DNMBP: variants seen among roughly 807,000 people sequenced by gnomAD.
DNMBP encodes the protein dynamin binding protein.
In DNMBP, 87 loss-of-function variants were observed where a neutral mutation model predicts 150.0. The observed-to-expected ratio is 0.58, with a 90% CI of 0.49 to 0.69. DNMBP has a LOEUF of 0.69. Ranked by LOEUF, DNMBP falls within the 30% of genes least tolerant of loss-of-function variation. The probability of loss-of-function intolerance (pLI) is 0.00; values close to 1 mark genes in which losing one functional copy is unlikely to be tolerated. For missense variants in DNMBP, 1,774 were observed against 1,949.0 expected (o/e 0.91, Z 1.69); for synonymous variants, 711 against 750.4 (o/e 0.95, Z 0.86).
intron 3 of DNMBP, 60 bp from the exon 4 acceptor site, chr10:99,957,265 G>A (rs886686728): frequency 6.3e-6 from 9 of 1,418,646 alleles, no homozygotes; most frequent in African/African-American, 2.8e-5. Context: ...ACATTATCAC[G>A]ACTAATAGTG....
chr10:99,943,221 G>A (rs1183325991), intron 4 of DNMBP, among the ~76,000 whole-genome samples: 1 of 151,462 alleles, frequency 6.6e-6, no homozygotes, highest in African/African-American at 2.4e-5. Context: ...GGAGGCAGAG[G>A]TTACAGTTAG....
intron 4 of DNMBP, among the ~76,000 whole-genome samples, chr10:99,954,327 C>T (rs1032244127): frequency 2.5e-4 from 38 of 152,010 alleles, no homozygotes; most frequent in Middle Eastern, 3.2e-3. Flanking sequence ...TGTGAGCCAC[C>T]GCACCCGGCA....
chr10:99,996,611 A>G (rs538156047), intron 1 of DNMBP, among the ~76,000 whole-genome samples: 1 of 152,358 alleles, frequency 6.6e-6, no homozygotes, highest in South Asian at 2.1e-4. Flanking sequence ...ATAACCAGCT[A>G]GTAAAATAAT....
At chr10:100,006,478 G>A (rs2041072297) in intron 1 of DNMBP, among the ~76,000 whole-genome samples, 1 of 152,156 alleles carries the variant, frequency 6.6e-6, no homozygotes, top group South Asian at 2.1e-4. Context: ...GCTTGAAAAG[G>A]TCTCCCTGAC....
At chr10:100,004,773 C>A (rs1032592008) in intron 1 of DNMBP, among the ~76,000 whole-genome samples, 1 of 152,132 alleles carries the variant, frequency 6.6e-6, no homozygotes, top group Non-Finnish European at 1.5e-5. Flanking sequence ...AAAAATATTT[C>A]TTGATCAAAG....
chr10:99,968,229 A>T (rs2040639381), intron 3 of DNMBP, among the ~76,000 whole-genome samples: 1 of 152,176 alleles, frequency 6.6e-6, no homozygotes, highest in African/African-American at 2.4e-5. Flanking sequence ...GACAGTAGTA[A>T]AATGCGGATG....
In DNMBP at chr10:99,964,597, G is replaced by A. The variant is rs561897460; in HGVS notation, c.268+4518C>T. 5.3e-5 allele frequency among the ~76,000 whole-genome samples: 8 copies of A among 151,474 alleles called. No homozygotes were observed. The South Asian group carries it at 6.3e-4, about 12-fold the overall frequency. ...GTTTAAATATAACTCGAGGCCAGGC[G>A]TGGTGGCTCATGCCTGTAATCCCAG... is the stretch of plus-strand genomic sequence containing the variant. On this transcript the variant is annotated intron_variant, in intron 3 of 16. Transcript: ENST00000324109.
At position 99,932,128 on chromosome 10, in the gene DNMBP, A is replaced by G. The variant is rs141193356; in HGVS notation, c.2261-22982T>C. On this transcript the variant is annotated intron_variant, in intron 4 of 16. Coordinates refer to ENST00000324109, the MANE Select transcript of DNMBP (RefSeq NM_015221.4). ...CACATGCTAAGAGACAGGCCTTAAT[A>G]AGATTACTCTTTTAGCTGTCTGGTC... Among the ~76,000 whole-genome samples the G allele has an allele frequency of 9.6e-4, 146 of 152,324 alleles. 1 individual carries two copies. The highest frequency in any genetic ancestry group is 3.0e-3 in the African/African-American group (125 of 41,586).
chr10:99,896,455 A>G (rs2039656560), intron 9 of DNMBP, 58 bp from the exon 10 acceptor site: 1 of 1,571,044 alleles, frequency 6.4e-7, no homozygotes, highest in Non-Finnish European at 8.8e-7. Context: ...AAAATGAGCC[A>G]TAAAATGAGA....
intron 5 of DNMBP, 23 bp downstream of exon 5, chr10:99,908,926 AAACT>A: frequency 6.3e-7 from 1 of 1,597,410 alleles, no homozygotes; most frequent in East Asian, 2.2e-5. Context: ...ATTCAAGGTC[AAACT>A]AACTCTGTCT....
At chr10:99,947,892 GTAAGATAT>G (rs2040375642) in intron 4 of DNMBP, among the ~76,000 whole-genome samples, 1 of 152,080 alleles carries the variant, frequency 6.6e-6, no homozygotes, top group Admixed American at 6.6e-5. Context: ...CTATAGGTGT[GTAAGATAT>G]TAAGGTTAGG....
rs1249634533 is a variant in DNMBP at position 99,888,740 on chromosome 10, G to A, written c.3285+85C>T. The A allele has an allele frequency of 4.6e-6, 7 of 1,525,230 alleles. No homozygotes were observed. In the East Asian group the frequency reaches 1.4e-4, roughly 30 times the overall value. 94.5% of individuals were successfully genotyped at this position (1,525,230 alleles called of 1,614,324 possible). ...CTAATATGCCTGGTGCCCAGGGCCT[G>A]TGTCCGTGGAACTGACTTGCATGAG... On this transcript the variant is annotated intron_variant, in intron 12 of 16. Transcript: ENST00000324109.
intron 3 of DNMBP, among the ~76,000 whole-genome samples, chr10:99,959,801 G>A (rs1224463136): frequency 6.6e-6 from 1 of 151,296 alleles, no homozygotes; most frequent in Non-Finnish European, 1.5e-5. Flanking sequence ...CCTGCAGTGA[G>A]CTATGATGGC....
chr10:99,994,181 G>A (rs1275542233), intron 1 of DNMBP, among the ~76,000 whole-genome samples: 1 of 152,154 alleles, frequency 6.6e-6, no homozygotes, highest in Non-Finnish European at 1.5e-5. Flanking sequence ...TTCTGGCTCT[G>A]CCATTTATCA....
At chr10:99,965,098 C>T (rs1454709834) in intron 3 of DNMBP, among the ~76,000 whole-genome samples, 1 of 152,022 alleles carries the variant, frequency 6.6e-6, no homozygotes, top group East Asian at 1.9e-4. Flanking sequence ...GCCCAGGCGC[C>T]CAGGTTAAGA....
At chr10:99,998,238 A>AG (rs1200918795) in intron 1 of DNMBP, among the ~76,000 whole-genome samples, 2 of 151,282 alleles carry the variant, frequency 1.3e-5, no homozygotes, top group Non-Finnish European at 2.9e-5. Flanking sequence ...CGTCTCAAAA[A>AG]AAAAAAAAGG....
chr10:99,950,230 CCTT>C (rs2040403378), intron 4 of DNMBP, among the ~76,000 whole-genome samples: 1 of 152,206 alleles, frequency 6.6e-6, no homozygotes, highest in Admixed American at 6.5e-5. Context: ...ACTTGCTCCT[CCTT>C]GCCTTCCACC....
chr10:99,929,324 T>C (rs1188275449), intron 4 of DNMBP, among the ~76,000 whole-genome samples: 1 of 151,710 alleles, frequency 6.6e-6, no homozygotes, highest in East Asian at 1.9e-4. Flanking sequence ...AAAGGAAAGA[T>C]ACTTGAGATT....
chr10:99,887,143 C>T (rs2039481618), intron 12 of DNMBP, among the ~76,000 whole-genome samples: 1 of 149,484 alleles, frequency 6.7e-6, no homozygotes. Context: ...GGCTGGAGTG[C>T]AGTGGCGCAA....
Sources: allele counts gnomAD v4.1 joint callset (sites outside exome capture counted in the v4.1 genomes callset), GRCh38; gene constraint gnomAD v4.1.1; transcripts MANE v1.5; gene names NCBI Gene and HGNC (gene_info 2026-07-23, HGNC 2026-07-21).